RUFY3: variants seen among roughly 807,000 people sequenced by gnomAD.
RUFY3 encodes the protein RUN and FYVE domain containing 3, also known as protein RUFY3.
A neutral mutation model predicts 84.0 loss-of-function variants in RUFY3; 34 were observed. The ratio of observed to expected loss-of-function variants is 0.40; its 90% CI spans 0.31 to 0.54. The LOEUF (loss-of-function observed/expected upper bound fraction) is 0.54. RUFY3 is among the 20% of genes least tolerant of loss of function. RUFY3 has a pLI of 0.39. For synonymous variants in RUFY3, 242 were observed against 252.9 expected, an observed-to-expected ratio of 0.96 and a Z score of 0.41; for missense variants, 507 against 736.8, an observed-to-expected ratio of 0.69 and a Z score of 3.61.
intron 1 of RUFY3, among the ~76,000 whole-genome samples, chr4:70,754,145 C>G (rs886823241): frequency 1.3e-5 from 2 of 152,080 alleles, no homozygotes; most frequent in South Asian, 4.2e-4. Flanking sequence ...TTCTGCCTGC[C>G]GGGTTCAAGT....
intron 1 of RUFY3, among the ~76,000 whole-genome samples, chr4:70,759,597 G>A (rs1053923559): frequency 1.2e-4 from 18 of 152,040 alleles, no homozygotes; most frequent in African/African-American, 9.7e-5. Flanking sequence ...AGGAACCTCC[G>A]TACAGTTTTC....
chr4:70,738,058 A>C (rs1183678377), intron 1 of RUFY3, among the ~76,000 whole-genome samples: 1 of 140,184 alleles, frequency 7.1e-6, no homozygotes, highest in Admixed American at 7.5e-5. Context: ...ATCTCAGCTC[A>C]CTCCAGCCTC....
At chr4:70,716,935 G>A (rs1434303967) in intron 1 of RUFY3, among the ~76,000 whole-genome samples, 1 of 151,162 alleles carries the variant, frequency 6.6e-6, no homozygotes, top group African/African-American at 2.4e-5. Context: ...CTTTCTATAA[G>A]AAAGTTGAAA....
At chr4:70,768,390 T>G in intron 4 of RUFY3, 148 bp from the exon 5 acceptor site, 3 of 680,282 alleles carry the variant, frequency 4.4e-6, no homozygotes, top group African/African-American at 1.8e-5. Context: ...AAGCCTTTCT[T>G]TTTGTAGTTT....
chr4:70,705,740 G>C (rs1740248253), intron 1 of RUFY3, among the ~76,000 whole-genome samples: 2 of 152,178 alleles, frequency 1.3e-5, no homozygotes, highest in African/African-American at 4.8e-5. Flanking sequence ...CCTCTGACCC[G>C]CCTTTTTCGG....
intron 3 of RUFY3, 151 bp from the exon 4 acceptor site, chr4:70,764,324 G>A (rs1034604827): frequency 5.5e-5 from 29 of 523,630 alleles, no homozygotes; most frequent in Non-Finnish European, 8.1e-5. Flanking sequence ...AAAATTCCTT[G>A]CATGGGAATG....
chr4:70,792,929 G>A (rs1025011676), intron 12 of RUFY3: 1 of 985,342 alleles, frequency 1.0e-6, no homozygotes, highest in South Asian at 4.7e-5. Flanking sequence ...GTGGTGATGG[G>A]TTGCCTTTTC....
chr4:70,791,884 C>T (rs1369621439), intron 12 of RUFY3: 1 of 984,938 alleles, frequency 1.0e-6, no homozygotes, highest in Non-Finnish European at 1.2e-6. Flanking sequence ...AGATTGCTTG[C>T]AACTTTTTTT....
chr4:70,736,478 T>C (rs1720320857), intron 1 of RUFY3, among the ~76,000 whole-genome samples: 1 of 152,210 alleles, frequency 6.6e-6, no homozygotes, highest in Non-Finnish European at 1.5e-5. Context: ...GACCTGCCTT[T>C]TTTCCTCTGC....
Position 70,783,581 on chromosome 4 carries a change from A to G in RUFY3, c.987+398A>G, listed in dbSNP as rs114596376. Among the ~76,000 whole-genome samples, 478 of 152,344 alleles carry G rather than the reference A, an allele frequency of 3.1e-3. 4 individuals are homozygous for G. The highest frequency in any genetic ancestry group is 0.011 in the African/African-American group (461 of 41,570). Reference sequence around the variant, plus strand: ...GCTACCATATAAATGTATTTTCTACATAACTTAATTCCTTAAAGTATCAAA... The same window carrying G: ...GCTACCATATAAATGTATTTTCTACGTAACTTAATTCCTTAAAGTATCAAA... On this transcript the variant is annotated intron_variant, in intron 9 of 17. Transcript: ENST00000381006.
chr4:70,784,628 T>C (rs900006926), intron 9 of RUFY3, among the ~76,000 whole-genome samples, 168 bp from the exon 10 acceptor site: 1 of 152,242 alleles, frequency 6.6e-6, no homozygotes, highest in Non-Finnish European at 1.5e-5. Flanking sequence ...AAGCCCCCAA[T>C]TCAGCTTAAC....
intron 1 of RUFY3, among the ~76,000 whole-genome samples, chr4:70,715,845 G>A (rs775255552): frequency 6.6e-6 from 1 of 152,088 alleles, no homozygotes; most frequent in Non-Finnish European, 1.5e-5. Flanking sequence ...CAGGCACAGT[G>A]GCCAATGCCT....
chr4:70,734,408 T>C (rs1174359182), intron 1 of RUFY3: 1 of 985,406 alleles, frequency 1.0e-6, no homozygotes. Flanking sequence ...AGCCTTAGAT[T>C]TACACTGTCA....
Position 70,764,480 on chromosome 4 carries a change from C to T in RUFY3, c.476C>T (p.Pro159Leu). 6.2e-7 allele frequency: 1 copy of T among 1,609,082 alleles called. No individual in the cohort carries two copies. Among genetic ancestry groups the T allele is most frequent in the Non-Finnish European group, 8.5e-7 (1 of 1,176,070 alleles). The change falls in exon 4 of 18, where the codon CCA (proline) becomes CTA (leucine). Residue 159 changes from proline (P) to leucine (L), a missense_variant. This residue lies in a region of RUFY3 where 133 missense variants were observed against 301.1 expected (regional missense o/e 0.44). Transcript: ENST00000381006. The part of the protein sequence containing the change: ...SVKDLPGLKT[P>L]VGRGRAWLRL... ...TGATTTCTGTGTTTTTGTAGGACAC[C>T]AGTAGGTAGAGGAAGAGCCTGGCTT...
intron 1 of RUFY3, among the ~76,000 whole-genome samples, chr4:70,749,467 ATAATGGTTTTGGT>A (rs1722768025): frequency 6.6e-6 from 1 of 151,962 alleles, no homozygotes; most frequent in African/African-American, 2.4e-5. Context: ...GTATATGAAA[ATAATGGTTTTGGT>A]TAAGTAAGCT....
intron 1 of RUFY3, among the ~76,000 whole-genome samples, chr4:70,705,947 A>C (rs1375975082): frequency 1.3e-5 from 2 of 152,276 alleles, no homozygotes; most frequent in East Asian, 3.9e-4. Context: ...GTGGCTTTGG[A>C]AGGCTACCTC....
At chr4:70,762,775 G>A (rs1286798985) in intron 2 of RUFY3, 83 bp downstream of exon 2, 6 of 1,169,342 alleles carry the variant, frequency 5.1e-6, no homozygotes, top group South Asian at 3.1e-5. Flanking sequence ...TCTTTGTGGA[G>A]CCAAAGAATA....
intron 6 of RUFY3, among the ~76,000 whole-genome samples, chr4:70,774,644 A>AAAAAAAAATATATATATAT (rs1553916771): frequency 1.8e-5 from 1 of 56,680 alleles, no homozygotes; most frequent in Admixed American, 2.5e-4. Flanking sequence ...AAAAAAAAAA[A>AAAAAAAAATATATATATAT]ATATATATAT....
rs369974956 is a variant in RUFY3 at position 70,793,779 on chromosome 4, A to T, written c.1338-6A>T. The T allele has an allele frequency of 1.2e-6, 2 of 1,613,854 alleles. No homozygotes were observed. Among genetic ancestry groups the T allele is most frequent in the African/African-American group, 2.7e-5 (2 of 74,902 alleles). On this transcript the variant is annotated splice_region_variant and splice_polypyrimidine_tract_variant and intron_variant, in intron 12 of 17. Transcript: ENST00000381006. ...TTTATCACAAGTTCATGTGGCTCAC[A>T]TCCAGATTGCGCCAGGCTGAGCGAA...
Sources: allele counts gnomAD v4.1 joint callset (sites outside exome capture counted in the v4.1 genomes callset), GRCh38; gene constraint gnomAD v4.1.1; regional missense constraint gnomAD v4.1.1; transcripts MANE v1.5; gene names NCBI Gene and HGNC (gene_info 2026-07-23, HGNC 2026-07-21).